PHGDH: variants seen among roughly 807,000 people sequenced by gnomAD.
PHGDH encodes the protein D-3-phosphoglycerate dehydrogenase.
PHGDH carries 50 observed loss-of-function variants against 52.6 expected under a neutral mutation model. The ratio of observed to expected loss-of-function variants is 0.95; its 90% confidence interval spans 0.76 to 1.20. The LOEUF is 1.20. PHGDH is among the 50% of genes most tolerant of loss of function. The pLI is 0.00. For missense variants in PHGDH, 630 were observed against 684.6 expected (o/e 0.92, Z 0.89); for synonymous variants, 271 against 280.5 (o/e 0.97, Z 0.34).
At chr1:119,716,476 G>A (rs1262567803) in intron 1 of PHGDH, among the ~76,000 whole-genome samples, 1 of 152,192 alleles carries the variant, frequency 6.6e-6, no homozygotes, top group Non-Finnish European at 1.5e-5. Flanking sequence ...AGTGTTGCCT[G>A]TGGGGAGCAG....
rs377510737 is a variant in PHGDH, at chr1:119,726,794, C to G, written c.357-57C>G. The G allele has an allele frequency of 1.4e-4, 202 of 1,433,494 alleles. No homozygotes were observed. In the African/African-American group the frequency reaches 2.7e-3, roughly 19 times the overall value. The allele number at this position is 1,433,494 out of a possible 1,614,324, so 88.8% of individuals were successfully genotyped here. A position where few individuals can be genotyped will look rare whatever the true frequency, so the allele number is the denominator to read the frequency against. ...CTGTGCAAACCTGATGTTGCATCTC[C>G]TTCCTGGGCTGGCGGGAGTCCGAAT... On this transcript the variant is annotated intron_variant, in intron 3 of 11. Coordinates refer to ENST00000641023, the MANE Select transcript of PHGDH (RefSeq NM_006623.4).
At position 119,734,697 on chromosome 1, in the gene PHGDH, C is replaced by T. The variant is rs766341979; in HGVS notation, c.574C>T (p.Pro192Ser). 1.2e-5 allele frequency: 19 copies of T among 1,613,932 alleles called. No individual in the cohort carries two copies. In the East Asian group the frequency reaches 3.8e-4, roughly 32 times the overall value. ...GGCCTCCTTTGGTGTTCAGCAGCTGCCCCTGGAGGAGATCTGGCCTCTCTG... is the reference window on the plus strand; with the variant it reads ...GGCCTCCTTTGGTGTTCAGCAGCTGTCCCTGGAGGAGATCTGGCCTCTCTG... ...VSASFGVQQL[P>S]LEEIWPLCDF... The change falls in exon 6 of 12, where the codon CCC becomes TCC. Residue 192 changes from proline (P) to serine (S), a missense_variant. Transcript: ENST00000641023.
intron 3 of PHGDH, among the ~76,000 whole-genome samples, chr1:119,726,159 G>A (rs587643003): frequency 1.3e-5 from 2 of 150,572 alleles, no homozygotes; most frequent in East Asian, 1.9e-4. Context: ...TGGACTAATA[G>A]GAGGAGACAG....
chr1:119,739,149 C>T (rs1163560972), intron 8 of PHGDH, among the ~76,000 whole-genome samples: 2 of 152,208 alleles, frequency 1.3e-5, no homozygotes, highest in Non-Finnish European at 2.9e-5. Context: ...CTGGAATTCT[C>T]CCACCTGTCC....
intron 5 of PHGDH, 93 bp from the exon 6 acceptor site, chr1:119,734,541 T>G: frequency 8.4e-7 from 1 of 1,190,946 alleles, no homozygotes; most frequent in South Asian, 1.2e-5. Flanking sequence ...AGTTAGTATA[T>G]GGTAAATGCT....
chr1:119,731,516 G>A (rs1651689885), intron 5 of PHGDH, among the ~76,000 whole-genome samples: 1 of 152,176 alleles, frequency 6.6e-6, no homozygotes, highest in South Asian at 2.1e-4. Context: ...TTAGCCCAGA[G>A]GGTTGGATGT....
intron 5 of PHGDH, among the ~76,000 whole-genome samples, chr1:119,730,995 G>C (rs763021738): frequency 6.6e-6 from 1 of 152,178 alleles, no homozygotes; most frequent in African/African-American, 2.4e-5. Context: ...ACCCTCACAG[G>C]AAATTTAGCT....
chr1:119,742,564 C>A lies in PHGDH; in HGVS notation c.1210-243C>A, dbSNP rs1307617029. The A allele has an allele frequency of 5.0e-5, 30 of 600,994 alleles. 2 individuals carry two copies. In the South Asian group the frequency reaches 5.1e-4, roughly 10 times the overall value. 37.2% of individuals were successfully genotyped at this position (600,994 alleles called of 1,614,324 possible). On this transcript the variant is annotated intron_variant, in intron 10 of 11. Transcript: ENST00000641023. ...TCTTTCCTCCCTGTTTTCCTCCAAG[C>A]CTTCGCCTGTGCCTGGCAGATCTCT...
chr1:119,734,162 CCTT>C (rs1651828430), intron 5 of PHGDH: 3 of 288,158 alleles, frequency 1.0e-5, no homozygotes, highest in South Asian at 3.7e-5. Context: ...TGCCATTTCT[CCTT>C]CTCCCTTTCC....
chr1:119,727,761 G>A (rs1321546354), intron 5 of PHGDH: 5 of 153,326 alleles, frequency 3.3e-5, no homozygotes, highest in Non-Finnish European at 7.3e-5. Context: ...GTGAACCCGG[G>A]AGGCGGAGCT....
intron 8 of PHGDH, among the ~76,000 whole-genome samples, chr1:119,738,803 A>G (rs2101210527): frequency 1.3e-5 from 2 of 150,700 alleles, no homozygotes; most frequent in Middle Eastern, 3.4e-3. Flanking sequence ...GGGACCTTGC[A>G]GAGAGATGGG....
chr1:119,717,903 T>C (rs587765436), intron 1 of PHGDH, among the ~76,000 whole-genome samples: 4 of 152,108 alleles, frequency 2.6e-5, no homozygotes, highest in African/African-American at 9.6e-5. Context: ...AGGGTGAAGG[T>C]GTGAGGATGG....
chr1:119,737,770 C>A (rs917032441), intron 8 of PHGDH, among the ~76,000 whole-genome samples: 11 of 152,156 alleles, frequency 7.2e-5, no homozygotes, highest in Admixed American at 2.0e-4. Context: ...AGGCATAAGA[C>A]CCCCACTTCT....
In PHGDH at chr1:119,743,952, C is replaced by T. The variant is rs369871823; in HGVS notation, c.1514C>T (p.Thr505Ile). 33 of 1,613,294 alleles carry T rather than the reference C, an allele frequency of 2.0e-5. No individual in the cohort carries two copies. Among genetic ancestry groups the T allele is most frequent in the Non-Finnish European group, 2.7e-5 (32 of 1,179,356 alleles). ...ACTTCACTGGTGTCAGATGGGGAGA[C>T]CTGGCACGTCATGGGCATCTCCTCC... The part of the protein sequence containing the change: ...YQTSLVSDGE[T>I]WHVMGISSLL... The change falls in exon 12 of 12, where the codon ACC (threonine) becomes ATC (isoleucine). Residue 505 changes from threonine (T) to isoleucine (I), a missense_variant. By Grantham distance (89) the Thr-to-Ile change is moderately conservative. Coordinates refer to ENST00000641023, the MANE Select transcript of PHGDH (RefSeq NM_006623.4).
chr1:119,720,779 G>T (rs1651112169), intron 1 of PHGDH: 2 of 301,422 alleles, frequency 6.6e-6, no homozygotes, highest in South Asian at 6.6e-5. Context: ...GTGCAGGAAT[G>T]ATAGGGTATA....
At chr1:119,741,947 T>G in intron 10 of PHGDH, 50 bp downstream of exon 10, 2 of 1,511,698 alleles carry the variant, frequency 1.3e-6, no homozygotes, top group Non-Finnish European at 1.8e-6. Flanking sequence ...AGCACTAGTC[T>G]TCTCCCCCAC....
intron 1 of PHGDH, chr1:119,715,861 A>G (rs1245623300): frequency 6.6e-6 from 1 of 152,348 alleles, no homozygotes; most frequent in African/African-American, 2.4e-5. Context: ...AGGAATGACA[A>G]AGAGAGGGGA....
intron 6 of PHGDH, 172 bp from the exon 7 acceptor site, chr1:119,735,122 TC>T: frequency 1.2e-6 from 1 of 818,574 alleles, no homozygotes; most frequent in Non-Finnish European, 2.1e-6. Context: ...TAACAGGGAC[TC>T]CTGCCCCAGA....
At chr1:119,733,296 C>T (rs1557975925) in intron 5 of PHGDH, among the ~76,000 whole-genome samples, 1 of 151,882 alleles carries the variant, frequency 6.6e-6, no homozygotes, top group Non-Finnish European at 1.5e-5. Context: ...CCTAGAATTA[C>T]TGAATTTGAA....
Sources: gnomAD v4.1 joint callset for allele counts (sites outside exome capture counted in the v4.1 genomes callset) on GRCh38, gnomAD v4.1.1 for gene constraint, MANE v1.5 for transcripts, NCBI Gene and HGNC (gene_info 2026-07-23, HGNC 2026-07-21) for gene names.